DSTYK: variants seen among roughly 807,000 people sequenced by gnomAD.
DSTYK encodes the protein dual serine/threonine and tyrosine protein kinase.
DSTYK carries 34 observed loss-of-function variants against 98.7 expected under a neutral mutation model. The ratio of observed to expected loss-of-function variants is 0.34; its 90% CI spans 0.26 to 0.46. DSTYK has a LOEUF of 0.46. DSTYK is among the 20% of genes least tolerant of loss of function. DSTYK has a pLI of 1.00. For synonymous variants in DSTYK, 462 were observed against 457.3 expected (o/e 1.01, Z -0.13); for missense variants, 962 against 1,181.7 (o/e 0.81, Z 2.73).
intron 10 of DSTYK, among the ~76,000 whole-genome samples, chr1:205,152,208 G>A (rs558240972): frequency 3.9e-5 from 6 of 152,122 alleles, no homozygotes; most frequent in African/African-American, 1.2e-4. Flanking sequence ...AAGGAGTTTC[G>A]CTCTTGTTGC....
chr1:205,159,054 G>A (rs1366262855), intron 9 of DSTYK, among the ~76,000 whole-genome samples: 2 of 151,938 alleles, frequency 1.3e-5, no homozygotes, highest in African/African-American at 4.8e-5. Flanking sequence ...GGCATATAAT[G>A]GGGTGAAAAT....
chr1:205,155,874 C>T (rs1179423586), intron 10 of DSTYK, among the ~76,000 whole-genome samples: 1 of 152,198 alleles, frequency 6.6e-6, no homozygotes, highest in Non-Finnish European at 1.5e-5. Flanking sequence ...GTTCTGTGGG[C>T]TGGGCCCAGG....
Position 205,169,129 on chromosome 1 carries a change from G to C in DSTYK, c.1324+34C>G. On this transcript the variant is annotated intron_variant, in intron 3 of 12. Transcript: ENST00000367162. The surrounding 1 kb of genome is among the most constrained non-coding windows in gnomAD (Gnocchi z 4.0). ...TAGAAAATGGTTAGAGACTCCTCCCGTGCCAGCACCCCAACAAGCTCTCTG... is the reference window on the plus strand; with the variant it reads ...TAGAAAATGGTTAGAGACTCCTCCCCTGCCAGCACCCCAACAAGCTCTCTG... 1 of 1,527,150 alleles carries C rather than the reference G, an allele frequency of 6.5e-7. No individual in the cohort carries two copies. Among genetic ancestry groups the C allele is most frequent in the Non-Finnish European group, 8.8e-7 (1 of 1,131,936 alleles). 94.6% of individuals were successfully genotyped at this position (1,527,150 alleles called of 1,614,324 possible).
Position 205,211,500 on chromosome 1 carries a change from G to C in DSTYK, c.36C>G (p.Pro12=), listed in dbSNP as rs746974333. The C allele has an allele frequency of 6.4e-7, 1 of 1,574,370 alleles. No homozygotes were observed. Among genetic ancestry groups the C allele is most frequent in the Non-Finnish European group, 8.6e-7 (1 of 1,165,420 alleles). Residue 12 remains proline (P), a synonymous_variant, in exon 1 of 13, where the codon CCC becomes CCG. Coordinates refer to ENST00000367162, the MANE Select transcript of DSTYK (RefSeq NM_015375.3). ...EGDGVPWGSE[P]VSGPGPGGGG... is the part of the protein sequence containing the mutation. ...CGCCGCCGGGGCCGGGACCCGAGAC[G>C]GGCTCGCTGCCCCATGGCACCCCGT...
chr1:205,174,512 CCAAAA>C (rs1658168102), intron 2 of DSTYK, among the ~76,000 whole-genome samples: 2 of 40,012 alleles, frequency 5.0e-5, no homozygotes, highest in African/African-American at 5.7e-5. Context: ...GACTCCGTCT[CCAAAA>C]AAAAAAAAAA....
At chr1:205,196,112 G>T (rs1368018330) in intron 1 of DSTYK, among the ~76,000 whole-genome samples, 1 of 152,104 alleles carries the variant, frequency 6.6e-6, no homozygotes, top group East Asian at 1.9e-4. Flanking sequence ...CACCAAAGTG[G>T]GGACAATTTA....
At chr1:205,180,169 T>C (rs972123789) in intron 2 of DSTYK, among the ~76,000 whole-genome samples, 2 of 151,640 alleles carry the variant, frequency 1.3e-5, no homozygotes, top group Admixed American at 1.3e-4. Context: ...TGCAGGTTTG[T>C]TACATAGGTA....
intron 1 of DSTYK, among the ~76,000 whole-genome samples, chr1:205,190,232 G>A (rs1658669661): frequency 6.6e-6 from 1 of 152,186 alleles, no homozygotes; most frequent in South Asian, 2.1e-4. Context: ...ATAGAAAGCT[G>A]TAAGCAAACC....
intron 12 of DSTYK, 68 bp downstream of exon 12, chr1:205,148,137 T>G: frequency 2.0e-5 from 32 of 1,596,142 alleles, no homozygotes; most frequent in South Asian, 3.3e-5. Flanking sequence ...GGAGACCCGG[T>G]GACATTGCCT....
At position 205,150,590 on chromosome 1, in the gene DSTYK, G is replaced by A; in HGVS notation, c.2467+90C>T. 9.6e-7 allele frequency: 1 copy of A among 1,039,828 alleles called. No individual in the cohort carries two copies. Among genetic ancestry groups the A allele is most frequent in the South Asian group, 1.4e-5 (1 of 70,852 alleles). 64.4% of individuals were successfully genotyped at this position (1,039,828 alleles called of 1,614,324 possible). On this transcript the variant is annotated intron_variant, in intron 11 of 12. Coordinates refer to ENST00000367162, the MANE Select transcript of DSTYK (RefSeq NM_015375.3). The surrounding 1 kb of genome is among the most constrained non-coding windows in gnomAD (Gnocchi z 4.1). ...TCCCTTGCCTGTGCCAGACCTGCCA[G>A]TAGTGATTGTGGAAACGAGCTCAAG...
rs34830650 is a variant in DSTYK at position 205,162,177 on chromosome 1, G to C, written c.1677C>G (p.Ala559=). The C allele has an allele frequency of 2.5e-6, 4 of 1,614,162 alleles. 1 individual carries two copies. Among genetic ancestry groups the C allele is most frequent in the Admixed American group, 1.7e-5 (1 of 60,032 alleles). ...CCTTCCTCTTCCATTCCAGAGTGAT[G>C]GCAGGTGGGCTCACCCATGTGATGC... is the stretch of plus-strand genomic sequence containing the variant. ...IQRITWVSPP[A]ITLEWKRKVA... is the part of the protein sequence containing the mutation. The change falls in exon 6 of 13, where the codon GCC becomes GCG. Residue 559 remains alanine (A), a synonymous_variant. Transcript: ENST00000367162.
intron 1 of DSTYK, among the ~76,000 whole-genome samples, chr1:205,195,566 C>CAAGT (rs1275815924): frequency 6.6e-6 from 1 of 152,136 alleles, no homozygotes; most frequent in Non-Finnish European, 1.5e-5. Flanking sequence ...TCTTCAGGAC[C>CAAGT]AAGTAGTACA....
At chr1:205,162,291 T>G in intron 5 of DSTYK, 79 bp from the exon 6 acceptor site, 3 of 1,520,984 alleles carry the variant, frequency 2.0e-6, no homozygotes, top group Non-Finnish European at 1.8e-6. Flanking sequence ...CTTCCTTTTC[T>G]GGGTTACCCA....
At chr1:205,153,619 A>T (rs1657464278) in intron 10 of DSTYK, among the ~76,000 whole-genome samples, 1 of 152,206 alleles carries the variant, frequency 6.6e-6, no homozygotes. Flanking sequence ...TTTCTTGGGT[A>T]TGATAATGAC....
intron 2 of DSTYK, among the ~76,000 whole-genome samples, chr1:205,183,080 G>GCA (rs35209324): frequency 0.062 from 5,483 of 88,704 alleles, 171 homozygotes; most frequent in East Asian, 0.11. Flanking sequence ...AAAAAAAAAA[G>GCA]CACACACACA....
At position 205,159,619 on chromosome 1, in the gene DSTYK, A is replaced by G; in HGVS notation, c.2166T>C (p.Tyr722=). 2 of 1,613,902 alleles carry G rather than the reference A, an allele frequency of 1.2e-6. No individual in the cohort carries two copies. Among genetic ancestry groups the G allele is most frequent in the Non-Finnish European group, 1.7e-6 (2 of 1,179,976 alleles). The change falls in exon 9 of 13, where the codon TAT becomes TAC. Residue 722 remains tyrosine (Y), a synonymous_variant. Transcript: ENST00000367162. ...GCACAGCAATGCTGGAGCCACCACCATAGTTGTAGTCAATGACTGAACCAT... is the reference window on the plus strand; with the variant it reads ...GCACAGCAATGCTGGAGCCACCACCGTAGTTGTAGTCAATGACTGAACCAT... ...DLHGSVIDYN[Y]GGGSSIAVLL...
chr1:205,142,678 A>G lies in DSTYK; in HGVS notation c.*4880T>C, dbSNP rs551790287. Reference sequence around the variant, plus strand: ...ATTAAGACGGTCCTGCTGTAACAATATTATGGAAAGAGCCAGGTAGCACAA... The same window carrying G: ...ATTAAGACGGTCCTGCTGTAACAATGTTATGGAAAGAGCCAGGTAGCACAA... On this transcript the variant is annotated 3_prime_UTR_variant, in exon 13 of 13. Transcript: ENST00000367162. 2.6e-5 allele frequency: 4 copies of G among 152,414 alleles called. No individual in the cohort carries two copies. In the South Asian group the frequency reaches 8.3e-4, roughly 32 times the overall value. 9.4% of individuals were successfully genotyped at this position (152,414 alleles called of 1,614,324 possible). A position where few individuals can be genotyped will look rare whatever the true frequency, so the allele number is the denominator to read the frequency against.
chr1:205,175,145 A>C (rs1380209420), intron 2 of DSTYK, among the ~76,000 whole-genome samples: 1 of 145,544 alleles, frequency 6.9e-6, no homozygotes, highest in African/African-American at 2.6e-5. Flanking sequence ...TCTGTTGCCC[A>C]GGCTGGAGTG....
At chr1:205,161,225 C>A (rs1657708740) in intron 7 of DSTYK, 33 bp downstream of exon 7, 1 of 1,612,022 alleles carries the variant, frequency 6.2e-7, no homozygotes, top group Non-Finnish European at 8.5e-7. Flanking sequence ...CCTGAACCAT[C>A]CTCCAGTTTA....
Sources: allele counts gnomAD v4.1 joint callset (sites outside exome capture counted in the v4.1 genomes callset), GRCh38; gene constraint gnomAD v4.1.1; non-coding constraint Gnocchi (gnomAD v3.1); transcripts MANE v1.5; gene names NCBI Gene and HGNC (gene_info 2026-07-23, HGNC 2026-07-21).